The following PIK3R5 variants were observed in gnomAD, a reference collection of about 807,000 sequenced individuals.
PIK3R5 encodes the protein phosphoinositide-3-kinase regulatory subunit 5, also known as phosphoinositide 3-kinase regulatory subunit 5.
Under a neutral mutation model 94.9 loss-of-function variants are expected in PIK3R5, and 32 were observed. The observed-to-expected ratio is 0.34, with a 90% CI of 0.25 to 0.45. The LOEUF (loss-of-function observed/expected upper bound fraction) is 0.45, where lower values mean the gene tolerates loss of function less well. Among genes scored for constraint, PIK3R5 ranks in the 20% least tolerant of loss-of-function variants. PIK3R5 has a pLI of 1.00. For synonymous variants in PIK3R5, 443 were observed against 479.4 expected (o/e 0.92, Z 0.99); for missense variants, 853 against 1,144.6 (o/e 0.75, Z 3.68).
At chr17:8,943,801 T>G (rs1422744648) in intron 1 of PIK3R5, among the ~76,000 whole-genome samples, 1 of 151,732 alleles carries the variant, frequency 6.6e-6, no homozygotes, top group East Asian at 1.9e-4. Context: ...AAAAGAAACA[T>G]TCTCCAACCT....
Position 8,940,739 on chromosome 17 carries a change from T to G in PIK3R5, c.-14+24857A>C, listed in dbSNP as rs144529396. On this transcript the variant is annotated intron_variant, in intron 1 of 18. Coordinates refer to ENST00000447110, the MANE Select transcript of PIK3R5 (RefSeq NM_001142633.3). The stretch of plus-strand genomic sequence containing the variant: ...TCATGCCTGGCTAATTTTTGTATTT[T>G]TAGTAGAGACAGGGTTTCACCACGT... Among the ~76,000 whole-genome samples the G allele has an allele frequency of 4.0e-3, 615 of 152,194 alleles. 1 individual carries two copies. The highest frequency in any genetic ancestry group is 0.01 in the Middle Eastern group (3 of 294).
chr17:8,957,809 G>A (rs1206036045), intron 1 of PIK3R5, among the ~76,000 whole-genome samples: 2 of 152,124 alleles, frequency 1.3e-5, no homozygotes, highest in East Asian at 3.9e-4. Flanking sequence ...TTGGGGAGTG[G>A]GAAGCCAAGA....
intron 5 of PIK3R5, among the ~76,000 whole-genome samples, chr17:8,900,324 T>C (rs2090252311): frequency 1.3e-5 from 2 of 152,246 alleles, no homozygotes; most frequent in South Asian, 4.1e-4. Context: ...GATCCTCCTT[T>C]AAGCCAGCTC....
chr17:8,889,902 G>T lies in PIK3R5; in HGVS notation c.811+71C>A. 6.4e-7 allele frequency: 1 copy of T among 1,553,214 alleles called. No homozygotes were observed. Among genetic ancestry groups the T allele is most frequent in the Non-Finnish European group, 8.9e-7 (1 of 1,129,650 alleles). On this transcript the variant is annotated intron_variant, in intron 8 of 18. Transcript: ENST00000447110. This position sits in a 1 kb window ranked among gnomAD's most constrained non-coding sequence, Gnocchi z 4.1. ...GGAGCAGAGCCACCAGGCCCGCCTG[G>T]ACCGTGCACCTTGGGACCTAGAATA... is the stretch of plus-strand genomic sequence containing the variant.
chr17:8,883,717 C>T (rs1212347204), intron 15 of PIK3R5, among the ~76,000 whole-genome samples: 1 of 152,232 alleles, frequency 6.6e-6, no homozygotes, highest in Non-Finnish European at 1.5e-5. Flanking sequence ...GTGTCCCTCT[C>T]CTCATCCATG....
chr17:8,912,281 G>T (rs1202857307), intron 1 of PIK3R5, among the ~76,000 whole-genome samples: 1 of 152,216 alleles, frequency 6.6e-6, no homozygotes, highest in African/African-American at 2.4e-5. Context: ...GAGGGCTCCT[G>T]GGTCTCTGGG....
intron 5 of PIK3R5, among the ~76,000 whole-genome samples, chr17:8,902,318 C>T (rs1223552275): frequency 3.7e-5 from 5 of 135,594 alleles, no homozygotes; most frequent in African/African-American, 8.5e-5. Context: ...TGCAATGGCA[C>T]GATCTTGACT....
rs562501721 is a variant in PIK3R5, at chr17:8,935,702, G to T, written c.-13-24195C>A. On this transcript the variant is annotated intron_variant, in intron 1 of 18. Coordinates refer to ENST00000447110, the MANE Select transcript of PIK3R5 (RefSeq NM_001142633.3). This position sits in a 1 kb window ranked among gnomAD's most constrained non-coding sequence, Gnocchi z 4.5. ...AAGGTTTGTGGCAGGAAAGTGAACA[G>T]CTCTGAGCTCCCGGACAGCTCCTGG... Among the ~76,000 whole-genome samples the T allele has an allele frequency of 8.3e-4, 127 of 152,312 alleles. 1 individual carries two copies. The highest frequency in any genetic ancestry group is 2.8e-3 in the African/African-American group (117 of 41,566).
intron 1 of PIK3R5, among the ~76,000 whole-genome samples, chr17:8,922,941 C>T (rs531587031): frequency 9.9e-5 from 15 of 150,774 alleles, no homozygotes; most frequent in African/African-American, 3.7e-4. Flanking sequence ...CTGCCCACTT[C>T]CCCCCATCTT....
rs747013825 is a variant in PIK3R5, at chr17:8,889,935, G to A, written c.811+38C>T. ...ACCTTGGGACCTAGAATAGGCCATGGGGAATGTGGGAGAACCCCATTCTCC... is the reference window on the plus strand; with the variant it reads ...ACCTTGGGACCTAGAATAGGCCATGAGGAATGTGGGAGAACCCCATTCTCC... On this transcript the variant is annotated intron_variant, in intron 8 of 18. Coordinates refer to ENST00000447110, the MANE Select transcript of PIK3R5 (RefSeq NM_001142633.3). This position sits in a 1 kb window ranked among gnomAD's most constrained non-coding sequence, Gnocchi z 4.1. 1 of 1,610,304 alleles carries A rather than the reference G, an allele frequency of 6.2e-7. No homozygotes were observed. The highest frequency in any genetic ancestry group is 1.1e-5 in the South Asian group (1 of 91,004).
chr17:8,887,046 T>G (rs1224194117), intron 12 of PIK3R5, 50 bp downstream of exon 12: 2 of 1,608,260 alleles, frequency 1.2e-6, no homozygotes, highest in Admixed American at 1.7e-5. Context: ...TAAGTGAGGC[T>G]GGGTGACTGC....
At chr17:8,895,705 G>C (rs1482643102) in intron 5 of PIK3R5, among the ~76,000 whole-genome samples, 2 of 152,168 alleles carry the variant, frequency 1.3e-5, no homozygotes, top group Admixed American at 6.5e-5. Flanking sequence ...GCTACAGTTA[G>C]AATCAGAAGC....
At chr17:8,885,721 T>C (rs1192028061) in intron 14 of PIK3R5, among the ~76,000 whole-genome samples, 1 of 11,442 alleles carries the variant, frequency 8.7e-5, no homozygotes, top group Admixed American at 1.3e-3. Context: ...CCCCACCTCC[T>C]GGGTAACCCC....
At position 8,882,978 on chromosome 17, in the gene PIK3R5, C is replaced by T. The variant is rs567986060; in HGVS notation, c.2206-1097G>A. 8.5e-5 allele frequency among the ~76,000 whole-genome samples: 13 copies of T among 152,232 alleles called. No homozygotes were observed. The highest frequency in any genetic ancestry group is 1.6e-4 in the Non-Finnish European group (11 of 68,044). On this transcript the variant is annotated intron_variant, in intron 15 of 18. Coordinates refer to ENST00000447110, the MANE Select transcript of PIK3R5 (RefSeq NM_001142633.3). The surrounding 1 kb of genome is among the most constrained non-coding windows in gnomAD (Gnocchi z 4.1). ...TCCACAGAGCTGCCAGAGGGAGCTT[C>T]CAAGCCTCAGATATAATCATGTCAC...
chr17:8,905,801 A>C, intron 3 of PIK3R5, 64 bp from the exon 4 acceptor site: 1 of 1,052,104 alleles, frequency 9.5e-7, no homozygotes, highest in Non-Finnish European at 1.4e-6. Flanking sequence ...CTGAGGCAGA[A>C]TACAGTGGTT....
At position 8,935,821 on chromosome 17, in the gene PIK3R5, G is replaced by A. The variant is rs887300331; in HGVS notation, c.-13-24314C>T. On this transcript the variant is annotated intron_variant, in intron 1 of 18. Coordinates refer to ENST00000447110, the MANE Select transcript of PIK3R5 (RefSeq NM_001142633.3). This position sits in a 1 kb window ranked among gnomAD's most constrained non-coding sequence, Gnocchi z 4.5. ...TGTAATCCCAGCACTTTGGGAGGCT[G>A]AGGCGGGCGGATCACGAGGTCAGGA... 4.6e-5 allele frequency among the ~76,000 whole-genome samples: 7 copies of A among 152,128 alleles called. No homozygotes were observed. Among genetic ancestry groups the A allele is most frequent in the African/African-American group, 1.7e-4 (7 of 41,428 alleles).
rs139457423 is a variant in PIK3R5, at chr17:8,961,908, C to T, written c.-14+3688G>A. On this transcript the variant is annotated intron_variant, in intron 1 of 18. Transcript: ENST00000447110. ...TGTAACTTGCTGTAGCTGTGACTCA[C>T]TTATCTGGAAGTCACTTAACCGATA... Among the ~76,000 whole-genome samples, 15 of 152,368 alleles carry T rather than the reference C, an allele frequency of 9.8e-5. No homozygotes were observed. The East Asian group carries it at 2.9e-3, about 29-fold the overall frequency.
At chr17:8,961,888 C>T (rs956418827) in intron 1 of PIK3R5, among the ~76,000 whole-genome samples, 1 of 152,210 alleles carries the variant, frequency 6.6e-6, no homozygotes, top group African/African-American at 2.4e-5. Context: ...TTGGGTGTAA[C>T]TTGCTGTAGC....
chr17:8,951,673 C>T (rs2062954824), intron 1 of PIK3R5, among the ~76,000 whole-genome samples: 1 of 152,128 alleles, frequency 6.6e-6, no homozygotes, highest in Non-Finnish European at 1.5e-5. Context: ...GTTAGTTTGA[C>T]CTTTTGGTGT....
Sources: allele counts gnomAD v4.1 joint callset (sites outside exome capture counted in the v4.1 genomes callset), GRCh38; gene constraint gnomAD v4.1.1; non-coding constraint Gnocchi (gnomAD v3.1); transcripts MANE v1.5; gene names NCBI Gene and HGNC (gene_info 2026-07-23, HGNC 2026-07-21).